Variants in TMEM268 observed in about 807,000 individuals in gnomAD.
TMEM268 encodes transmembrane protein 268.
In TMEM268, 24 loss-of-function variants were observed where a neutral mutation model predicts 39.1. The ratio of observed to expected loss-of-function variants is 0.61; its 90% confidence interval spans 0.44 to 0.86. TMEM268 has a LOEUF of 0.86. Among genes scored for constraint, TMEM268 ranks in the 40% least tolerant of loss-of-function variants. The pLI, the probability that TMEM268 is intolerant of heterozygous loss-of-function variation, is 0.00. For missense variants in TMEM268, 409 were observed against 428.6 expected (o/e 0.95, Z 0.40); for synonymous variants, 176 against 173.5 (o/e 1.01, Z -0.12).
intron 1 of TMEM268, among the ~76,000 whole-genome samples, chr9:114,614,838 G>A (rs1845638763): frequency 6.6e-6 from 1 of 151,858 alleles, no homozygotes; most frequent in Non-Finnish European, 1.5e-5. Flanking sequence ...TGGAGGGAGT[G>A]GCACTGGAAA....
upstream of TMEM268, among the ~76,000 whole-genome samples, chr9:114,607,972 A>G (rs1420865419): frequency 6.6e-6 from 1 of 151,778 alleles, no homozygotes; most frequent in African/African-American, 2.4e-5. Context: ...GGAGAGAGTG[A>G]GTAAAGATTA....
chr9:114,643,014 A>C (rs1337740832), intron 8 of TMEM268, 120 bp from the exon 9 acceptor site: 6 of 1,020,208 alleles, frequency 5.9e-6, no homozygotes, highest in Non-Finnish European at 8.8e-6. Flanking sequence ...GGTTCTTCCT[A>C]GAGAGCATCA....
At chr9:114,605,425 G>C in the TMEM268 span, among the ~76,000 whole-genome samples, 1 of 152,010 alleles carries the variant, frequency 6.6e-6, no homozygotes, top group Non-Finnish European at 1.5e-5. Context: ...GATTTGGCCA[G>C]TGGTTCAGGG....
At chr9:114,609,695 GAAA>G (rs1845417493), upstream of TMEM268, among the ~76,000 whole-genome samples, 1 of 93,550 alleles carries the variant, frequency 1.1e-5, no homozygotes, top group Non-Finnish European at 2.2e-5. Flanking sequence ...CTCAGAAAAA[GAAA>G]AAGAAAAAGA....
At chr9:114,614,503 C>A (rs992404159) in intron 1 of TMEM268, among the ~76,000 whole-genome samples, 2 of 152,212 alleles carry the variant, frequency 1.3e-5, no homozygotes, top group Admixed American at 1.3e-4. Flanking sequence ...CATTCTGTAG[C>A]TGCTGCTGTT....
At chr9:114,640,290 G>A (rs143747436) in intron 8 of TMEM268, among the ~76,000 whole-genome samples, 88 of 152,232 alleles carry the variant, frequency 5.8e-4, no homozygotes, top group African/African-American at 2.1e-3. Flanking sequence ...GTGTGCACAT[G>A]TTTTTAAAGT....
intron 6 of TMEM268, among the ~76,000 whole-genome samples, chr9:114,635,428 G>A (rs1300212635): frequency 6.6e-6 from 1 of 151,948 alleles, no homozygotes; most frequent in Non-Finnish European, 1.5e-5. Context: ...TATAATCCTA[G>A]CACTTTGGGA....
chr9:114,604,553 T>C, the TMEM268 span, among the ~76,000 whole-genome samples: 1 of 123,428 alleles, frequency 8.1e-6, no homozygotes, highest in East Asian at 2.4e-4. Flanking sequence ...ACCACTGCAC[T>C]CCAGCCTGAG....
At chr9:114,628,370 C>T in intron 5 of TMEM268, 120 bp downstream of exon 5, 4 of 1,085,306 alleles carry the variant, frequency 3.7e-6, no homozygotes, top group African/African-American at 1.6e-5. Context: ...TTCACACTAG[C>T]CCGTAAGCCC....
intron 7 of TMEM268, among the ~76,000 whole-genome samples, chr9:114,637,493 C>T (rs142036691): frequency 0.062 from 9,445 of 152,010 alleles, 464 homozygotes; most frequent in South Asian, 0.19. Flanking sequence ...GGGGTTTCAC[C>T]ATGTTGGCCA....
intron 8 of TMEM268, 23 bp downstream of exon 8, chr9:114,638,749 G>A (rs1820931059): frequency 6.6e-7 from 1 of 1,515,962 alleles, no homozygotes; most frequent in Non-Finnish European, 8.8e-7. Context: ...GGGGCTTGTT[G>A]GGGCCATCTT....
chr9:114,635,165 AC>A (rs1356893633), intron 6 of TMEM268, among the ~76,000 whole-genome samples: 1 of 150,984 alleles, frequency 6.6e-6, no homozygotes, highest in Non-Finnish European at 1.5e-5. Flanking sequence ...ACGTGGTGAA[AC>A]CCCGTCTCTA....
intron 8 of TMEM268, among the ~76,000 whole-genome samples, chr9:114,638,939 T>C (rs1846768066): frequency 6.6e-6 from 1 of 152,198 alleles, no homozygotes; most frequent in African/African-American, 2.4e-5. Flanking sequence ...TATTGGGACT[T>C]TTTGTTGCAT....
At chr9:114,628,393 A>G in intron 5 of TMEM268, 143 bp downstream of exon 5, 1 of 867,678 alleles carries the variant, frequency 1.2e-6, no homozygotes. Flanking sequence ...TGACTAAAAG[A>G]AATCAAATTG....
intron 3 of TMEM268, among the ~76,000 whole-genome samples, chr9:114,624,877 A>G (rs962233000): frequency 2.0e-5 from 3 of 152,242 alleles, no homozygotes; most frequent in Admixed American, 6.5e-5. Flanking sequence ...TGGTTGTGAA[A>G]GCTTTGCAGA....
In TMEM268 at chr9:114,636,984, C is replaced by T. The variant is rs552938289; in HGVS notation, c.586-6C>T. The T allele has an allele frequency of 1.0e-4, 168 of 1,610,768 alleles. No individual in the cohort carries two copies. The highest frequency in any genetic ancestry group is 4.8e-4 in the South Asian group (44 of 90,816). ...CCACGGTGGTCACTGCTGCTTCTCC[C>T]CACAGCTTTGGTTTGTCTACTTCGA... On this transcript the variant is annotated splice_polypyrimidine_tract_variant and splice_region_variant and intron_variant, in intron 6 of 8. Transcript: ENST00000288502.
At chr9:114,612,524 G>A (rs139078663) in intron 1 of TMEM268, among the ~76,000 whole-genome samples, 2 of 152,334 alleles carry the variant, frequency 1.3e-5, no homozygotes, top group Non-Finnish European at 2.9e-5. Flanking sequence ...CATATGATAG[G>A]CATCTGCCCT....
Position 114,644,465 on chromosome 9 carries a change from T to A in TMEM268, c.*1152T>A, listed in dbSNP as rs1827491215. On this transcript the variant is annotated 3_prime_UTR_variant, in exon 9 of 9. Coordinates refer to ENST00000288502, the MANE Select transcript of TMEM268 (RefSeq NM_153045.4). ...TTTAAATTCTTGATACAGCTGCTGCTTGTTCTGATGTTTTATGGTATTGAT... is the reference window on the plus strand; with the variant it reads ...TTTAAATTCTTGATACAGCTGCTGCATGTTCTGATGTTTTATGGTATTGAT... 1 of 152,408 alleles carries A rather than the reference T, an allele frequency of 6.6e-6. No individual in the cohort carries two copies. Among genetic ancestry groups the A allele is most frequent in the Admixed American group, 6.5e-5 (1 of 15,292 alleles). The allele number at this position is 152,408 out of a possible 1,614,324, so 9.4% of individuals were successfully genotyped here. A position where few individuals can be genotyped will look rare whatever the true frequency, so the allele number is the denominator to read the frequency against.
chr9:114,618,058 G>A (rs1195055334), intron 2 of TMEM268, among the ~76,000 whole-genome samples: 3 of 151,840 alleles, frequency 2.0e-5, no homozygotes, highest in East Asian at 2.0e-4. Flanking sequence ...CGTATTTTTA[G>A]TAGAGATGGG....
Sources: gnomAD v4.1 joint callset for allele counts (sites outside exome capture counted in the v4.1 genomes callset) on GRCh38, gnomAD v4.1.1 for gene constraint, MANE v1.5 for transcripts, NCBI Gene and HGNC (gene_info 2026-07-23, HGNC 2026-07-21) for gene names.